ANKRD26: variants seen among roughly 807,000 people sequenced by gnomAD.
ANKRD26 encodes the protein ankyrin repeat domain 26.
A neutral mutation model predicts 208.7 loss-of-function variants in ANKRD26; 141 were observed. The observed-to-expected ratio is 0.68, with a 90% CI of 0.59 to 0.78. The LOEUF (loss-of-function observed/expected upper bound fraction) is 0.78, where lower values mean the gene tolerates loss of function less well. ANKRD26 is among the 30% of genes least tolerant of loss of function. The probability of loss-of-function intolerance (pLI) is 0.00; values close to 1 mark genes in which losing one functional copy is unlikely to be tolerated. For synonymous variants in ANKRD26, 636 were observed against 660.4 expected (o/e 0.96, Z 0.57); for missense variants, 1,889 against 1,938.7 (o/e 0.97, Z 0.48).
chr10:27,098,680 C>A (rs2056546483), intron 1 of ANKRD26, among the ~76,000 whole-genome samples: 2 of 151,856 alleles, frequency 1.3e-5, no homozygotes, highest in African/African-American at 4.8e-5. Context: ...TCCGGAGTAG[C>A]TGGGACTACA....
intron 3 of ANKRD26, among the ~76,000 whole-genome samples, chr10:26,984,957 T>C (rs2134637177): frequency 6.6e-6 from 1 of 152,264 alleles, no homozygotes. Flanking sequence ...TTGAAAAACC[T>C]GGCCAGTAAA....
downstream of ANKRD26, among the ~76,000 whole-genome samples, chr10:26,987,707 A>G (rs532582351): frequency 5.9e-5 from 9 of 152,292 alleles, no homozygotes; most frequent in Middle Eastern, 6.8e-3. Flanking sequence ...ATGAGGTAAT[A>G]TTTGGAGATG....
At position 27,077,435 on chromosome 10, in the gene ANKRD26, G is replaced by A. The variant is rs1046050910; in HGVS notation, c.980C>T (p.Ser327Leu). The change falls in exon 9 of 34, where the codon TCA becomes TTA. Residue 327 changes from serine to leucine, a missense_variant. By Grantham distance (145) the Ser-to-Leu change is moderately radical (BLOSUM62 -2). Transcript: ENST00000376087. The stretch of plus-strand genomic sequence containing the variant: ...ATGAGAAAAGCACTGGACTTTGATT[G>A]ATGTTGTAGGAAGGCTTTCAACCAC... The part of the protein sequence containing the change: ...EVVVESLPTT[S>L]IKVQCFSHPT... The A allele has an allele frequency of 6.2e-7, 1 of 1,613,798 alleles. No homozygotes were observed. Among genetic ancestry groups the A allele is most frequent in the Non-Finnish European group, 8.5e-7 (1 of 1,179,846 alleles).
intron 12 of ANKRD26, among the ~76,000 whole-genome samples, chr10:27,062,427 G>T (rs995977271): frequency 2.6e-5 from 4 of 152,176 alleles, no homozygotes; most frequent in Admixed American, 1.3e-4. Flanking sequence ...TCAGCATTAT[G>T]TGGGAACTTA....
intron 6 of ANKRD26, among the ~76,000 whole-genome samples, chr10:27,081,980 C>T (rs1211342086): frequency 1.3e-5 from 2 of 150,710 alleles, no homozygotes; most frequent in African/African-American, 2.4e-5. Context: ...TTGTGATATG[C>T]CCACCTTGGC....
intron 9 of ANKRD26, among the ~76,000 whole-genome samples, chr10:27,075,328 T>C (rs1011365024): frequency 1.3e-5 from 2 of 152,166 alleles, no homozygotes; most frequent in Admixed American, 1.3e-4. Context: ...CAAGCCAAAT[T>C]CTCTGCTGTT....
chr10:26,947,645 T>C, the ANKRD26 span, among the ~76,000 whole-genome samples: 1 of 152,216 alleles, frequency 6.6e-6, no homozygotes, highest in Non-Finnish European at 1.5e-5. Flanking sequence ...TTTATTATCA[T>C]AGAGCCAAAT....
At chr10:27,014,804 ACCC>A in intron 30 of ANKRD26, 93 bp from the exon 31 acceptor site, 2 of 992,400 alleles carry the variant, frequency 2.0e-6, no homozygotes, top group Admixed American at 2.3e-5. Context: ...TTTGTTTTTA[ACCC>A]AAACTCCAAA....
chr10:27,098,589 C>T (rs1401286107), intron 1 of ANKRD26, among the ~76,000 whole-genome samples: 1 of 149,786 alleles, frequency 6.7e-6, no homozygotes, highest in Non-Finnish European at 1.5e-5. Context: ...TGCTCTGTCG[C>T]CCAGGCTGGA....
At chr10:27,073,887 A>G (rs1668581391) in intron 9 of ANKRD26, among the ~76,000 whole-genome samples, 1 of 152,162 alleles carries the variant, frequency 6.6e-6, no homozygotes, top group South Asian at 2.1e-4. Flanking sequence ...ATCATCACAC[A>G]AAGATTCTCT....
chr10:26,974,671 T>C (rs759125200), exon 6 of ANKRD26, among the ~76,000 whole-genome samples: 24 of 152,178 alleles, frequency 1.6e-4, no homozygotes, highest in Non-Finnish European at 2.6e-4. Flanking sequence ...CTTCCTGAAA[T>C]AGATTCTTTA....
downstream of ANKRD26, among the ~76,000 whole-genome samples, chr10:26,972,191 T>C (rs367566633): frequency 0.016 from 2,287 of 146,308 alleles, 31 homozygotes; most frequent in Non-Finnish European, 0.021. Context: ...GCCGAGATCG[T>C]GCCACTGCAC....
At chr10:27,014,972 T>C (rs959405615) in intron 30 of ANKRD26, among the ~76,000 whole-genome samples, 8 of 151,906 alleles carry the variant, frequency 5.3e-5, no homozygotes, top group Non-Finnish European at 1.2e-4. Context: ...ATCAAAACAA[T>C]AAAGGCTGAC....
chr10:26,991,438 A>G (rs1564335531), downstream of ANKRD26, among the ~76,000 whole-genome samples: 2 of 151,200 alleles, frequency 1.3e-5, no homozygotes, highest in Non-Finnish European at 2.9e-5. Flanking sequence ...GAAGGAAGGT[A>G]ATTTTTTTTT....
intron 9 of ANKRD26, among the ~76,000 whole-genome samples, chr10:27,071,276 C>CT (rs2135530149): frequency 6.7e-6 from 1 of 149,954 alleles, no homozygotes; most frequent in East Asian, 2.0e-4. Flanking sequence ...CGCCATTCTC[C>CT]TGCCTCAGCC....
intron 1 of ANKRD26, among the ~76,000 whole-genome samples, chr10:27,099,179 C>T (rs559519534): frequency 6.6e-6 from 1 of 152,046 alleles, no homozygotes; most frequent in African/African-American, 2.4e-5. Context: ...TTAGTAGAGA[C>T]GGGGTTTCAC....
chr10:26,952,285 G>A, the ANKRD26 span, among the ~76,000 whole-genome samples: 1 of 151,922 alleles, frequency 6.6e-6, no homozygotes, highest in South Asian at 2.1e-4. Flanking sequence ...AGCTTCTAGG[G>A]AACTGTGAGT....
chr10:26,961,080 G>T, the ANKRD26 span, among the ~76,000 whole-genome samples: 3 of 151,988 alleles, frequency 2.0e-5, no homozygotes, highest in Non-Finnish European at 4.4e-5. Flanking sequence ...AGCTAGGTGT[G>T]GTGGTGCATG....
the ANKRD26 span, among the ~76,000 whole-genome samples, chr10:26,951,091 T>C: frequency 6.7e-6 from 1 of 149,358 alleles, no homozygotes; most frequent in African/African-American, 2.5e-5. Context: ...TTTTGTAAAA[T>C]GTCATGTGGG....
Sources: gnomAD v4.1 joint callset for allele counts (sites outside exome capture counted in the v4.1 genomes callset) on GRCh38, gnomAD v4.1.1 for gene constraint, MANE v1.5 for transcripts, NCBI Gene and HGNC (gene_info 2026-07-23, HGNC 2026-07-21) for gene names.